The following GIMAP5 variants were observed in gnomAD, a reference collection of about 807,000 sequenced individuals.
GIMAP5 encodes GTPase, IMAP family member 5, also known as GTPase IMAP family member 5.
Under a neutral mutation model 9.9 loss-of-function variants are expected in GIMAP5, and 8 were observed. That is an observed-to-expected ratio of 0.81 (90% CI 0.47 to 1.45). The LOEUF (loss-of-function observed/expected upper bound fraction) is 1.45. Ranked by LOEUF, GIMAP5 falls within the 40% of genes most tolerant of loss-of-function variation. GIMAP5 has a pLI of 0.00. For synonymous variants in GIMAP5, 174 were observed against 151.4 expected (o/e 1.15, Z -1.09); for missense variants, 353 against 367.4 (o/e 0.96, Z 0.32).
chr7:150,741,607 C>A (rs1311567453), intron 2 of GIMAP5, among the ~76,000 whole-genome samples: 1 of 152,220 alleles, frequency 6.6e-6, no homozygotes, highest in Non-Finnish European at 1.5e-5. Flanking sequence ...TTAACTACAA[C>A]CTATGTCATC....
chr7:150,737,588 C>G lies in GIMAP5; in HGVS notation c.-127C>G. The G allele has an allele frequency of 6.5e-7, 1 of 1,535,632 alleles. No individual in the cohort carries two copies. ...CCTCCCTCAGCCCTGTGAACAGCAT[C>G]CCCGCACACAGACGCAGAGCAGGAC... On this transcript the variant is annotated 5_prime_UTR_variant, in exon 1 of 3. In the 5' UTR this introduces an upstream ATG that the reference lacks. Transcript: ENST00000358647.
In GIMAP5 at chr7:150,743,299, T is replaced by A. The variant is rs1215262355; in HGVS notation, c.*236T>A. ...CCAACAACTGCTTCAGGAATGGGCC[T>A]GAGATCCCATGCAGGTCCCTGAGAA... On this transcript the variant is annotated 3_prime_UTR_variant, in exon 3 of 3. Coordinates refer to ENST00000358647, the MANE Select transcript of GIMAP5 (RefSeq NM_018384.5). 5.9e-6 allele frequency: 3 copies of A among 507,226 alleles called. No individual in the cohort carries two copies. The highest frequency in any genetic ancestry group is 7.0e-6 in the Non-Finnish European group (2 of 286,890). 31.4% of individuals were successfully genotyped at this position (507,226 alleles called of 1,614,324 possible). A position where few individuals can be genotyped will look rare whatever the true frequency, so the allele number is the denominator to read the frequency against.
rs765161719 is a variant in GIMAP5, at chr7:150,743,160, A to C, written c.*97A>C. Reference sequence around the variant, plus strand: ...CTCAGATCCTCGTGGTCTATGGAGCATGCTGCTTGCTGTCTGTGCAGCTCC... The same window carrying C: ...CTCAGATCCTCGTGGTCTATGGAGCCTGCTGCTTGCTGTCTGTGCAGCTCC... On this transcript the variant is annotated 3_prime_UTR_variant, in exon 3 of 3. Coordinates refer to ENST00000358647, the MANE Select transcript of GIMAP5 (RefSeq NM_018384.5). 4.2e-6 allele frequency: 6 copies of C among 1,437,928 alleles called. No homozygotes were observed. Among genetic ancestry groups the C allele is most frequent in the Non-Finnish European group, 5.6e-6 (6 of 1,071,866 alleles). 89.1% of individuals were successfully genotyped at this position (1,437,928 alleles called of 1,614,324 possible).
At chr7:150,740,273 C>T (rs772322635) in intron 1 of GIMAP5, 4 of 152,332 alleles carry the variant, frequency 2.6e-5, no homozygotes, top group Non-Finnish European at 4.4e-5. Context: ...TCTCCACCAA[C>T]CGTCAGGGTG....
At position 150,742,712 on chromosome 7, in the gene GIMAP5, C is replaced by T. The variant is rs569763678; in HGVS notation, c.573C>T (p.Gly191=). 7 of 1,614,184 alleles carry T rather than the reference C, an allele frequency of 4.3e-6. No individual in the cohort carries two copies. The African/African-American group carries it at 8.0e-5, about 18-fold the overall frequency. Residue 191 remains glycine (G), a synonymous_variant, in exon 3 of 3, where the codon GGC becomes GGT. Coordinates refer to ENST00000358647, the MANE Select transcript of GIMAP5 (RefSeq NM_018384.5). ...ERRYCAFNNW[G]SVEEQRQQQA... ...GGTACTGTGCCTTCAACAACTGGGG[C>T]TCTGTGGAGGAGCAGAGGCAGCAGC...
intron 1 of GIMAP5, chr7:150,738,312 C>T (rs1005278561): frequency 2.0e-5 from 3 of 152,808 alleles, no homozygotes; most frequent in Non-Finnish European, 4.4e-5. Context: ...CTACCCCATG[C>T]TCCCCCAGAT....
At position 150,737,504 on chromosome 7, in the gene GIMAP5, G is replaced by T; in HGVS notation, c.-211G>T. ...TAATCTCTACTTTTCTTTTTGTGCA[G>T]CTGAGTCATGGAGCTTTCAGCCCCA... On this transcript the variant is annotated 5_prime_UTR_variant, in exon 1 of 3. Coordinates refer to ENST00000358647, the MANE Select transcript of GIMAP5 (RefSeq NM_018384.5). 1 of 1,535,126 alleles carries T rather than the reference G, an allele frequency of 6.5e-7. No individual in the cohort carries two copies. The highest frequency in any genetic ancestry group is 8.7e-7 in the Non-Finnish European group (1 of 1,146,464).
chr7:150,742,446 T>C lies in GIMAP5; in HGVS notation c.307T>C (p.Cys103Arg). The C allele has an allele frequency of 6.2e-7, 1 of 1,614,208 alleles. No homozygotes were observed. Among genetic ancestry groups the C allele is most frequent in the Non-Finnish European group, 8.5e-7 (1 of 1,180,018 alleles). The change falls in exon 3 of 3, where the codon TGC becomes CGC. Residue 103 changes from cysteine (C) to arginine (R), a missense_variant. Transcript: ENST00000358647. ...AGAGCTGTACAAGAACATCGGGGAC[T>C]GCTACCTGCTCTCTGCCCCGGGGCC... ...TQELYKNIGD[C>R]YLLSAPGPHV...
rs1585231987 is a variant in GIMAP5, at chr7:150,737,939, G to A, written c.-7+231G>A. The A allele has an allele frequency of 5.2e-6, 3 of 573,098 alleles. No homozygotes were observed. In the East Asian group the frequency reaches 8.8e-5, roughly 17 times the overall value. The allele number at this position is 573,098 out of a possible 1,614,324, so 35.5% of individuals were successfully genotyped here. On this transcript the variant is annotated intron_variant, in intron 1 of 2. Coordinates refer to ENST00000358647, the MANE Select transcript of GIMAP5 (RefSeq NM_018384.5). ...GCACTCACAGCCCAGTCCCAGGACA[G>A]CGGGCTTTGCTGCCCCATTGCCCAT... is the stretch of plus-strand genomic sequence containing the variant.
intron 1 of GIMAP5, chr7:150,739,729 A>G (rs1427123408): frequency 6.6e-6 from 1 of 152,116 alleles, no homozygotes; most frequent in African/African-American, 2.4e-5. Flanking sequence ...AGGGGAGGGT[A>G]AAGAGGAAAG....
chr7:150,742,103 T>C, intron 2 of GIMAP5, 80 bp from the exon 3 acceptor site: 1 of 1,504,540 alleles, frequency 6.6e-7, no homozygotes, highest in Non-Finnish European at 9.0e-7. Context: ...TTCATAGCTT[T>C]CATGAGATAA....
intron 1 of GIMAP5, 79 bp downstream of exon 1, chr7:150,737,787 G>A (rs764591536): frequency 4.0e-4 from 479 of 1,191,844 alleles, no homozygotes; most frequent in Non-Finnish European, 4.8e-4. Context: ...GTTCATTTCT[G>A]ACATGACCTT....
At chr7:150,738,389 C>T (rs535104609) in intron 1 of GIMAP5, 5 of 152,542 alleles carry the variant, frequency 3.3e-5, no homozygotes, top group South Asian at 2.1e-4. Flanking sequence ...GATTCCAATA[C>T]CTGGAAATAC....
At position 150,737,504 on chromosome 7, in the gene GIMAP5, G is replaced by A; in HGVS notation, c.-211G>A. 6.5e-7 allele frequency: 1 copy of A among 1,535,126 alleles called. No homozygotes were observed. The highest frequency in any genetic ancestry group is 2.4e-5 in the East Asian group (1 of 40,896). On this transcript the variant is annotated 5_prime_UTR_variant, in exon 1 of 3. Coordinates refer to ENST00000358647, the MANE Select transcript of GIMAP5 (RefSeq NM_018384.5). The stretch of plus-strand genomic sequence containing the variant: ...TAATCTCTACTTTTCTTTTTGTGCA[G>A]CTGAGTCATGGAGCTTTCAGCCCCA...
Position 150,742,220 on chromosome 7 carries a change from A to G in GIMAP5, c.81A>G (p.Ala27=), listed in dbSNP as rs766162569. ...SEDNLSATPP[A]LRIILVGKTG... is the part of the protein sequence containing the mutation. ...ATAACTTGTCTGCAACACCACCGGC[A>G]TTGAGGATTATCCTAGTGGGCAAAA... is the stretch of plus-strand genomic sequence containing the variant. Residue 27 remains alanine, a synonymous_variant, in exon 3 of 3, where the codon GCA becomes GCG. Coordinates refer to ENST00000358647, the MANE Select transcript of GIMAP5 (RefSeq NM_018384.5). The G allele has an allele frequency of 2.5e-6, 4 of 1,614,102 alleles. No homozygotes were observed. The highest frequency in any genetic ancestry group is 3.4e-6 in the Non-Finnish European group (4 of 1,179,964).
At chr7:150,737,909 T>A in intron 1 of GIMAP5, 1 of 597,180 alleles carries the variant, frequency 1.7e-6, no homozygotes, top group Non-Finnish European at 3.0e-6. Flanking sequence ...GAAGAATCTG[T>A]GCCTGCACTC....
intron 1 of GIMAP5, 148 bp downstream of exon 1, chr7:150,737,856 T>C: frequency 3.1e-6 from 2 of 654,490 alleles, no homozygotes; most frequent in Non-Finnish European, 2.7e-6. Flanking sequence ...TGGTGATGAG[T>C]GTTGCGGGCA....
rs947561546 is a variant in GIMAP5 at position 150,742,108 on chromosome 7, A to C, written c.44-75A>C. Reference sequence around the variant, plus strand: ...GGGGAGGACGTTCATAGCTTTCATGAGATAACCATGAACAATGACCTAACA... The same window carrying C: ...GGGGAGGACGTTCATAGCTTTCATGCGATAACCATGAACAATGACCTAACA... On this transcript the variant is annotated intron_variant, in intron 2 of 2. Transcript: ENST00000358647. The C allele has an allele frequency of 9.4e-6, 14 of 1,497,268 alleles. No homozygotes were observed. The African/African-American group carries it at 1.8e-4, about 19-fold the overall frequency. The allele number at this position is 1,497,268 out of a possible 1,614,324, so 92.7% of individuals were successfully genotyped here.
In GIMAP5 at chr7:150,740,723, C is replaced by T; in HGVS notation, c.-6-156C>T. On this transcript the variant is annotated intron_variant, in intron 1 of 2. Transcript: ENST00000358647. ...CACCTGCTTTGTTTAAAGTTATTTA[C>T]AGATGTTTCAAAGTAAAGTATGAGT... is the stretch of plus-strand genomic sequence containing the variant. 2 of 671,814 alleles carry T rather than the reference C, an allele frequency of 3.0e-6. 1 individual carries two copies. The highest frequency in any genetic ancestry group is 3.9e-5 in the South Asian group (2 of 51,030). 41.6% of individuals were successfully genotyped at this position (671,814 alleles called of 1,614,324 possible).
Sources: gnomAD v4.1 joint callset for allele counts (sites outside exome capture counted in the v4.1 genomes callset) on GRCh38, gnomAD v4.1.1 for gene constraint, MANE v1.5 for transcripts, NCBI Gene and HGNC (gene_info 2026-07-23, HGNC 2026-07-21) for gene names.